Variants in NUP58 observed in about 807,000 individuals in gnomAD.
NUP58 encodes the protein nucleoporin 58.
NUP58 carries 17 observed loss-of-function variants against 70.1 expected under a neutral mutation model. That is an observed-to-expected ratio of 0.24 (90% CI 0.17 to 0.36). NUP58 has a LOEUF of 0.36. Among genes scored for constraint, NUP58 ranks in the 10% least tolerant of loss-of-function variants. The probability of loss-of-function intolerance (pLI) is 1.00; values close to 1 mark genes in which losing one functional copy is unlikely to be tolerated. For synonymous variants in NUP58, 275 were observed against 257.6 expected (o/e 1.07, Z -0.65); for missense variants, 644 against 701.5 (o/e 0.92, Z 0.93).
At position 25,321,036 on chromosome 13, in the gene NUP58, C is replaced by G. The variant is rs1294222944; in HGVS notation, c.894C>G (p.Ala298=). Residue 298 remains alanine (A), a synonymous_variant, in exon 9 of 16, where the codon GCC becomes GCG. Coordinates refer to ENST00000381736, the MANE Select transcript of NUP58 (RefSeq NM_014089.4). ...TGAAGCAGCTCCTGTCGTTGGCTGC[C>G]AATGGAATACAGAGAAACACTCTCA... ...KALKQLLSLA[A]NGIQRNTLNI... is the part of the protein sequence containing the mutation. 1 of 1,599,694 alleles carries G rather than the reference C, an allele frequency of 6.3e-7. No individual in the cohort carries two copies. Among genetic ancestry groups the G allele is most frequent in the Non-Finnish European group, 8.5e-7 (1 of 1,174,890 alleles).
intron 14 of NUP58, 60 bp downstream of exon 14, chr13:25,337,094 C>A: frequency 8.8e-7 from 1 of 1,141,616 alleles, no homozygotes; most frequent in Non-Finnish European, 1.2e-6. Context: ...TGATACTAGC[C>A]TGTAAAAAAA....
At position 25,312,966 on chromosome 13, in the gene NUP58, C is replaced by T; in HGVS notation, c.370C>T (p.Leu124=). The part of the protein sequence containing the change: ...KPAASATPFA[L]PITSTSASGL... ...TGCAGCATCTGCCACACCATTTGCT[C>T]TACCTATTACCTCTACCTCAGCTAG... The change falls in exon 4 of 16, where the codon CTA becomes TTA. Residue 124 remains leucine, a synonymous_variant. Coordinates refer to ENST00000381736, the MANE Select transcript of NUP58 (RefSeq NM_014089.4). 6.2e-7 allele frequency: 1 copy of T among 1,614,230 alleles called. No homozygotes were observed. Among genetic ancestry groups the T allele is most frequent in the Non-Finnish European group, 8.5e-7 (1 of 1,180,038 alleles).
chr13:25,333,061 G>T (rs2137819538), intron 13 of NUP58: 1 of 985,002 alleles, frequency 1.0e-6, no homozygotes, highest in East Asian at 1.1e-4. Context: ...AAAAAGTTAT[G>T]TTGTAAGTGA....
chr13:25,301,693 C>T lies in NUP58; in HGVS notation c.-81C>T. On this transcript the variant is annotated 5_prime_UTR_variant, in exon 1 of 16. Coordinates refer to ENST00000381736, the MANE Select transcript of NUP58 (RefSeq NM_014089.4). ...TCCGTGCCGGGCGAGAGAGATGCTG[C>T]CCGGCCCGCCTCGGCTTTGAGGCGA... 1.4e-6 allele frequency: 1 copy of T among 724,298 alleles called. No individual in the cohort carries two copies. Among genetic ancestry groups the T allele is most frequent in the Non-Finnish European group, 2.1e-6 (1 of 480,014 alleles). 44.9% of individuals were successfully genotyped at this position (724,298 alleles called of 1,614,324 possible).
intron 3 of NUP58, among the ~76,000 whole-genome samples, chr13:25,311,387 T>G (rs957744565): frequency 1.3e-5 from 2 of 152,306 alleles, no homozygotes; most frequent in South Asian, 4.1e-4. Context: ...TGTTTTTGTT[T>G]TTTATGAGAC....
intron 9 of NUP58, 123 bp downstream of exon 9, chr13:25,321,216 A>AAACCAGAT: frequency 1.3e-6 from 1 of 765,634 alleles, no homozygotes; most frequent in Non-Finnish European, 2.1e-6. Context: ...TACCGGTAGA[A>AAACCAGAT]AACCAGATAA....
At chr13:25,328,569 G>A (rs915347893) in intron 12 of NUP58, among the ~76,000 whole-genome samples, 2 of 151,712 alleles carry the variant, frequency 1.3e-5, no homozygotes, top group African/African-American at 4.8e-5. Flanking sequence ...CTAATTTTTT[G>A]TATTTTTAGT....
At chr13:25,305,130 G>GTTTTTTTTTTTTTTTTTTTTTTTTT (rs562132125) in intron 1 of NUP58, among the ~76,000 whole-genome samples, 3 of 58,570 alleles carry the variant, frequency 5.1e-5, no homozygotes, top group African/African-American at 1.5e-4. Flanking sequence ...GATCTGTGGG[G>GTTTTTTTTTTTTTTTTTTTTTTTTT]TTTTTTTTTT....
chr13:25,309,163 T>TTTAAA (rs1392545040), intron 2 of NUP58, 84 bp from the exon 3 acceptor site: 13 of 1,017,772 alleles, frequency 1.3e-5, no homozygotes, highest in Non-Finnish European at 2.0e-5. Context: ...TGAGGGTGAT[T>TTTAAA]TTAAGTCTTT....
At chr13:25,308,778 CTTCT>C (rs1414458379) in intron 2 of NUP58, among the ~76,000 whole-genome samples, 7 of 152,130 alleles carry the variant, frequency 4.6e-5, no homozygotes, top group Non-Finnish European at 2.9e-5. Context: ...AAAAAGTTTG[CTTCT>C]TTATTTACCC....
intron 15 of NUP58, among the ~76,000 whole-genome samples, chr13:25,339,140 A>T (rs2137838494): frequency 6.6e-6 from 1 of 152,342 alleles, no homozygotes; most frequent in East Asian, 1.9e-4. Context: ...AGAATACCAC[A>T]GTCTTACAAA....
At chr13:25,347,822 G>A (rs980171167) in intron 3 of NUP58, among the ~76,000 whole-genome samples, 7 of 152,096 alleles carry the variant, frequency 4.6e-5, no homozygotes, top group African/African-American at 1.2e-4. Flanking sequence ...AACAAGGATC[G>A]ATCTAAAGAA....
In NUP58 at chr13:25,341,673, G is replaced by A. The variant is rs1229769650; in HGVS notation, c.*1539G>A. On this transcript the variant is annotated 3_prime_UTR_variant, in exon 16 of 16. Transcript: ENST00000381736. Reference sequence around the variant, plus strand: ...GACTACATTAGTATTAGTGACATCAGGTGGATATAAAAGAAAACCCTTGGA... The same window carrying A: ...GACTACATTAGTATTAGTGACATCAAGTGGATATAAAAGAAAACCCTTGGA... 1.3e-5 allele frequency: 2 copies of A among 152,594 alleles called. No individual in the cohort carries two copies. The highest frequency in any genetic ancestry group is 3.8e-4 in the East Asian group (2 of 5,202). The allele number at this position is 152,594 out of a possible 1,614,324, so 9.5% of individuals were successfully genotyped here.
rs376958225 is a variant in NUP58 at position 25,313,087 on chromosome 13, G to A, written c.436+55G>A. ...AATGGTTAAATTTCAATTTTATCTG[G>A]TTAGAGAACATAGATAGTCACCTTA... On this transcript the variant is annotated intron_variant, in intron 4 of 15. Transcript: ENST00000381736. 514 of 1,564,546 alleles carry A rather than the reference G, an allele frequency of 3.3e-4. 3 individuals are homozygous for A. Among genetic ancestry groups the A allele is most frequent in the South Asian group, 3.0e-3 (261 of 85,700 alleles).
chr13:25,333,248 T>C, intron 13 of NUP58: 1 of 985,340 alleles, frequency 1.0e-6, no homozygotes, highest in Non-Finnish European at 1.2e-6. Flanking sequence ...TCTAAATGAG[T>C]GCCTACTATG....
Position 25,326,989 on chromosome 13 carries a change from A to T in NUP58, c.1105A>T (p.Asn369Tyr). ...CAGGCAGCAGATTGAAGAACTAGAA[A>T]ACCATCTTGCCACTCAAGCAAATAA... is the stretch of plus-strand genomic sequence containing the variant. ...QYRQQIEELE[N>Y]HLATQANNSH... Residue 369 changes from asparagine to tyrosine, a missense_variant, in exon 11 of 16, where the codon AAC (asparagine) becomes TAC (tyrosine). Coordinates refer to ENST00000381736, the MANE Select transcript of NUP58 (RefSeq NM_014089.4). 6.2e-7 allele frequency: 1 copy of T among 1,606,574 alleles called. No homozygotes were observed. Among genetic ancestry groups the T allele is most frequent in the Non-Finnish European group, 8.5e-7 (1 of 1,175,932 alleles).
At chr13:25,313,349 G>C (rs922889016) in intron 4 of NUP58, among the ~76,000 whole-genome samples, 1 of 152,150 alleles carries the variant, frequency 6.6e-6, no homozygotes, top group African/African-American at 2.4e-5. Flanking sequence ...TGAAGTTGGT[G>C]GCCTGGGTTG....
chr13:25,307,514 T>C (rs1213001768), intron 1 of NUP58, among the ~76,000 whole-genome samples: 2 of 152,132 alleles, frequency 1.3e-5, no homozygotes, highest in African/African-American at 4.8e-5. Context: ...ACACCCAGCC[T>C]GAAATCTGGT....
intron 3 of NUP58, among the ~76,000 whole-genome samples, chr13:25,347,667 T>G (rs1278496514): frequency 2.0e-5 from 3 of 152,190 alleles, no homozygotes; most frequent in African/African-American, 7.2e-5. Context: ...TATTTTCAGG[T>G]GTTTTGTAGT....
Sources: gnomAD v4.1 joint callset for allele counts (sites outside exome capture counted in the v4.1 genomes callset) on GRCh38, gnomAD v4.1.1 for gene constraint, MANE v1.5 for transcripts, NCBI Gene and HGNC (gene_info 2026-07-23, HGNC 2026-07-21) for gene names.